Variants in MAP2K6 observed in about 807,000 individuals in gnomAD.
MAP2K6 encodes the protein dual specificity mitogen-activated protein kinase kinase 6.
Under a neutral mutation model 53.7 loss-of-function variants are expected in MAP2K6, and 16 were observed. The observed-to-expected ratio is 0.30, with a 90% CI of 0.20 to 0.45. The LOEUF (loss-of-function observed/expected upper bound fraction) is 0.45, where lower values mean the gene tolerates loss of function less well. Among genes scored for constraint, MAP2K6 ranks in the 20% least tolerant of loss-of-function variants. The pLI, the probability that MAP2K6 is intolerant of heterozygous loss-of-function variation, is 1.00. For synonymous variants in MAP2K6, 132 were observed against 143.1 expected, an observed-to-expected ratio of 0.92 and a Z score of 0.55; for missense variants, 204 against 411.9, an observed-to-expected ratio of 0.50 and a Z score of 4.37.
chr17:69,450,739 C>T (rs1907193578), intron 1 of MAP2K6, among the ~76,000 whole-genome samples: 1 of 151,478 alleles, frequency 6.6e-6, no homozygotes, highest in Non-Finnish European at 1.5e-5. Flanking sequence ...AAACACATCT[C>T]ATGAGTATAC....
At chr17:69,472,245 C>G (rs530284549) in intron 1 of MAP2K6, among the ~76,000 whole-genome samples, 1 of 152,092 alleles carries the variant, frequency 6.6e-6, no homozygotes, top group Admixed American at 6.5e-5. Flanking sequence ...CTCCCTGTTA[C>G]AAGGCCGCAC....
chr17:69,422,331 C>G (rs946643615), intron 1 of MAP2K6, among the ~76,000 whole-genome samples: 2 of 151,932 alleles, frequency 1.3e-5, no homozygotes, highest in Non-Finnish European at 2.9e-5. Flanking sequence ...AGGGATTCAT[C>G]ATGTTGGCCA....
chr17:69,543,606 G>A lies in MAP2K6; in HGVS notation c.*1853G>A, dbSNP rs949879263. 1 of 152,018 alleles carries A rather than the reference G, an allele frequency of 6.6e-6. No individual in the cohort carries two copies. Among genetic ancestry groups the A allele is most frequent in the Non-Finnish European group, 1.5e-5 (1 of 68,014 alleles). 9.4% of individuals were successfully genotyped at this position (152,018 alleles called of 1,614,324 possible). A position where few individuals can be genotyped will look rare whatever the true frequency, so the allele number is the denominator to read the frequency against. ...CCTAAATCTGGAAGTTCTTCTCTTG[G>A]AGATCAAGAGAAAAATTACAATTGT... On this transcript the variant is annotated 3_prime_UTR_variant, in exon 12 of 12. Transcript: ENST00000590474.
chr17:69,506,409 T>A (rs74714205), intron 2 of MAP2K6, among the ~76,000 whole-genome samples: 4 of 51,432 alleles, frequency 7.8e-5, no homozygotes, highest in Non-Finnish European at 1.7e-4. Flanking sequence ...CTCCTTCTTG[T>A]TTTTTTTTTT....
intron 1 of MAP2K6, among the ~76,000 whole-genome samples, chr17:69,498,359 G>A (rs1386100526): frequency 6.6e-6 from 1 of 152,086 alleles, no homozygotes; most frequent in Non-Finnish European, 1.5e-5. Context: ...CTTAACTGTG[G>A]CTGATTTCTC....
At chr17:69,522,142 G>C (rs1337187955) in intron 7 of MAP2K6, among the ~76,000 whole-genome samples, 1 of 152,170 alleles carries the variant, frequency 6.6e-6, no homozygotes, top group East Asian at 1.9e-4. Flanking sequence ...GAATGTATTG[G>C]TAAGTAAGAG....
chr17:69,427,656 C>T (rs1304832711), intron 1 of MAP2K6, among the ~76,000 whole-genome samples: 1 of 152,086 alleles, frequency 6.6e-6, no homozygotes, highest in African/African-American at 2.4e-5. Context: ...AGTCACCCCT[C>T]CTCAGATTCA....
intron 10 of MAP2K6, among the ~76,000 whole-genome samples, chr17:69,531,328 T>C (rs2715831): frequency 0.64 from 97,671 of 152,076 alleles, 31,863 homozygotes; most frequent in African/African-American, 0.75. Context: ...ACCTAAGCAT[T>C]CGATGTCACA....
At chr17:69,433,811 T>C (rs1315483330) in intron 1 of MAP2K6, 3 of 152,132 alleles carry the variant, frequency 2.0e-5, no homozygotes, top group Non-Finnish European at 4.4e-5. Context: ...GCAAGTGAAA[T>C]GACACGAGTA....
intron 1 of MAP2K6, among the ~76,000 whole-genome samples, chr17:69,498,650 C>CCA (rs3222089): frequency 0.064 from 9,379 of 145,420 alleles, 463 homozygotes; most frequent in East Asian, 0.25. Flanking sequence ...CACCTGGAAG[C>CCA]CACACACACA....
intron 1 of MAP2K6, among the ~76,000 whole-genome samples, chr17:69,482,345 C>G (rs1908377282): frequency 1.3e-5 from 2 of 151,962 alleles, no homozygotes; most frequent in Non-Finnish European, 2.9e-5. Context: ...ACTATATTCA[C>G]TTGGTTCAAA....
intron 1 of MAP2K6, among the ~76,000 whole-genome samples, chr17:69,456,782 C>G (rs904529583): frequency 6.6e-6 from 1 of 152,154 alleles, no homozygotes; most frequent in African/African-American, 2.4e-5. Context: ...GTACTCTTAC[C>G]CCACCTGCCC....
At chr17:69,480,276 C>G (rs79059034) in intron 1 of MAP2K6, among the ~76,000 whole-genome samples, 1 of 152,126 alleles carries the variant, frequency 6.6e-6, no homozygotes, top group Non-Finnish European at 1.5e-5. Flanking sequence ...TGGCAGCAAC[C>G]CTTATTGCTT....
intron 1 of MAP2K6, among the ~76,000 whole-genome samples, chr17:69,501,459 A>G (rs1909171961): frequency 6.6e-6 from 1 of 152,042 alleles, no homozygotes; most frequent in African/African-American, 2.4e-5. Context: ...GCTAGCGAAC[A>G]TTTCTGTGGC....
chr17:69,479,073 C>A (rs1270254824), intron 1 of MAP2K6, among the ~76,000 whole-genome samples: 2 of 152,098 alleles, frequency 1.3e-5, no homozygotes, highest in Non-Finnish European at 2.9e-5. Flanking sequence ...ATACAGTATT[C>A]AATTCACTGA....
chr17:69,502,363 C>T (rs1463105498), intron 1 of MAP2K6: 4 of 985,336 alleles, frequency 4.1e-6, no homozygotes, highest in Non-Finnish European at 4.8e-6. Flanking sequence ...TCGAAAACCT[C>T]ACCAGAGTCG....
rs1218813240 is a variant in MAP2K6 at position 69,526,582 on chromosome 17, A to G, written c.754A>G (p.Ile252Val). ...TTCTTTTCTCCAGATTGAGTTGGCC[A>G]TCCTTCGATTTCCCTATGATTCATG... is the stretch of plus-strand genomic sequence containing the variant. ...SLGITMIELA[I>V]LRFPYDSWGT... Residue 252 changes from isoleucine to valine, a missense_variant, in exon 10 of 12, where the codon ATC becomes GTC. Physicochemically the swap from Ile to Val is conservative, Grantham distance 29. Coordinates refer to ENST00000590474, the MANE Select transcript of MAP2K6 (RefSeq NM_002758.4). 2 of 1,613,604 alleles carry G rather than the reference A, an allele frequency of 1.2e-6. No individual in the cohort carries two copies. Among genetic ancestry groups the G allele is most frequent in the African/African-American group, 1.3e-5 (1 of 74,878 alleles).
intron 10 of MAP2K6, among the ~76,000 whole-genome samples, chr17:69,531,777 T>C (rs1204482096): frequency 1.3e-5 from 2 of 152,308 alleles, no homozygotes; most frequent in South Asian, 2.1e-4. Flanking sequence ...CTTTTTCCTA[T>C]ATATCTCTTT....
At chr17:69,428,428 A>C (rs1349346705) in intron 1 of MAP2K6, among the ~76,000 whole-genome samples, 3 of 152,232 alleles carry the variant, frequency 2.0e-5, no homozygotes, top group Non-Finnish European at 4.4e-5. Flanking sequence ...GTCTGTATCC[A>C]AATTTCCCCT....
Sources: gnomAD v4.1 joint callset for allele counts (sites outside exome capture counted in the v4.1 genomes callset) on GRCh38, gnomAD v4.1.1 for gene constraint, MANE v1.5 for transcripts, NCBI Gene and HGNC (gene_info 2026-07-23, HGNC 2026-07-21) for gene names.